The following ICMT variants were observed in gnomAD, a reference collection of about 807,000 sequenced individuals.
ICMT encodes the protein protein-S-isoprenylcysteine O-methyltransferase.
Under a neutral mutation model 32.2 loss-of-function variants are expected in ICMT, and 10 were observed. That is an observed-to-expected ratio of 0.31 (90% CI 0.19 to 0.53). The LOEUF is 0.53. Among genes scored for constraint, ICMT ranks in the 20% least tolerant of loss-of-function variants. The pLI, the probability that ICMT is intolerant of heterozygous loss-of-function variation, is 0.96. For missense variants in ICMT, 265 were observed against 356.9 expected (o/e 0.74, Z 2.07); for synonymous variants, 183 against 158.2 (o/e 1.16, Z -1.18).
At chr1:6,235,172 C>T (rs1668800803) in intron 1 of ICMT, among the ~76,000 whole-genome samples, 198 bp from the exon 2 acceptor site, 1 of 152,208 alleles carries the variant, frequency 6.6e-6, no homozygotes, top group African/African-American at 2.4e-5. Flanking sequence ...AATTATTTAA[C>T]CTCTCTGAGC....
At chr1:6,230,746 G>A (rs1422032924) in intron 4 of ICMT, among the ~76,000 whole-genome samples, 4 of 151,716 alleles carry the variant, frequency 2.6e-5, no homozygotes, top group Admixed American at 6.6e-5. Context: ...ACAATTAGCC[G>A]GGTGTGGTGG....
chr1:6,227,382 G>A (rs553642421), intron 4 of ICMT, among the ~76,000 whole-genome samples: 1 of 152,322 alleles, frequency 6.6e-6, no homozygotes, highest in South Asian at 2.1e-4. Flanking sequence ...CACCTATACC[G>A]TTAGGGGTCA....
intron 1 of ICMT, 125 bp from the exon 2 acceptor site, chr1:6,235,099 G>A: frequency 1.4e-6 from 1 of 706,012 alleles, no homozygotes; most frequent in Non-Finnish European, 2.4e-6. Flanking sequence ...AGGTTGAAAG[G>A]GAGAAGTGGG....
chr1:6,234,774 C>A, intron 2 of ICMT, 112 bp downstream of exon 2: 1 of 831,050 alleles, frequency 1.2e-6, no homozygotes, highest in Non-Finnish European at 2.0e-6. Flanking sequence ...CCAGAGAACC[C>A]TGAACAGCCT....
At chr1:6,228,541 A>G (rs1303704342) in intron 4 of ICMT, among the ~76,000 whole-genome samples, 1 of 151,730 alleles carries the variant, frequency 6.6e-6, no homozygotes, top group African/African-American at 2.4e-5. Flanking sequence ...ATGAGGCTTC[A>G]CTGTGTTAGC....
chr1:6,234,734 C>A (rs1668790803), intron 2 of ICMT, 152 bp downstream of exon 2: 2 of 676,160 alleles, frequency 3.0e-6, no homozygotes, highest in Non-Finnish European at 5.3e-6. Context: ...GAAATGTGAG[C>A]AACTAGGGGG....
In ICMT at chr1:6,235,680, GCCCCGCCGGCCCCCGCCGGC is replaced by G. The variant is rs147526858; in HGVS notation, c.195+17_195+36del. 120 of 1,146,396 alleles carry G rather than the reference GCCCCGCCGGCCCCCGCCGGC, an allele frequency of 1.0e-4. 2 individuals carry two copies. The highest frequency in any genetic ancestry group is 7.2e-4 in the Middle Eastern group (2 of 2,772). 71.0% of individuals were successfully genotyped at this position (1,146,396 alleles called of 1,614,324 possible). On this transcript the variant is annotated intron_variant, in intron 1 of 4. Coordinates refer to ENST00000343813, the MANE Select transcript of ICMT (RefSeq NM_012405.4). ...CGCCGCGCCAAGCGGACCGCCGCCC[GCCCCGCCGGCCCCCGCCGGC>G]CCCCGCCGGCCTGCACCTGGTAGCG...
Position 6,223,847 on chromosome 1 carries a change from C to T in ICMT, c.*1233G>A, listed in dbSNP as rs1431261236. 6.6e-6 allele frequency: 1 copy of T among 152,256 alleles called. No homozygotes were observed. The highest frequency in any genetic ancestry group is 1.5e-5 in the Non-Finnish European group (1 of 68,064). The allele number at this position is 152,256 out of a possible 1,614,324, so 9.4% of individuals were successfully genotyped here. A position where few individuals can be genotyped will look rare whatever the true frequency, so the allele number is the denominator to read the frequency against. On this transcript the variant is annotated 3_prime_UTR_variant, in exon 5 of 5. Coordinates refer to ENST00000343813, the MANE Select transcript of ICMT (RefSeq NM_012405.4). Reference sequence around the variant, plus strand: ...CTTCTTCAGTGCCACCGCAACACTGCATGGCAGGATCTCACGCTGAGGCCA... The same window carrying T: ...CTTCTTCAGTGCCACCGCAACACTGTATGGCAGGATCTCACGCTGAGGCCA...
Position 6,235,699 on chromosome 1 carries a change from GC to G in ICMT, c.195+17del, listed in dbSNP as rs1668813785. 13 of 1,176,006 alleles carry G rather than the reference GC, an allele frequency of 1.1e-5. No homozygotes were observed. The highest frequency in any genetic ancestry group is 3.6e-5 in the South Asian group (1 of 27,942). The allele number at this position is 1,176,006 out of a possible 1,614,324, so 72.8% of individuals were successfully genotyped here. Reference sequence around the variant, plus strand: ...CCGCCCGCCCCGCCGGCCCCCGCCGGCCCCCGCCGGCCTGCACCTGGTAGCG... The same window carrying G: ...CCGCCCGCCCCGCCGGCCCCCGCCGGCCCCGCCGGCCTGCACCTGGTAGCG... On this transcript the variant is annotated intron_variant, in intron 1 of 4. Transcript: ENST00000343813.
chr1:6,224,950 T>G lies in ICMT; in HGVS notation c.*130A>C. 1 of 873,762 alleles carries G rather than the reference T, an allele frequency of 1.1e-6. No individual in the cohort carries two copies. Among genetic ancestry groups the G allele is most frequent in the Non-Finnish European group, 1.8e-6 (1 of 560,646 alleles). 54.1% of individuals were successfully genotyped at this position (873,762 alleles called of 1,614,324 possible). ...GGCCTTCTGACCGCTTGGTCTTGAG[T>G]GACATTCCAGAAGAGTGACTAATGA... On this transcript the variant is annotated 3_prime_UTR_variant, in exon 5 of 5. Coordinates refer to ENST00000343813, the MANE Select transcript of ICMT (RefSeq NM_012405.4).
chr1:6,235,804 G>T lies in ICMT; in HGVS notation c.108C>A (p.Ala36=). 7.6e-7 allele frequency: 1 copy of T among 1,323,062 alleles called. No homozygotes were observed. The highest frequency in any genetic ancestry group is 9.7e-7 in the Non-Finnish European group (1 of 1,027,344). 82.0% of individuals were successfully genotyped at this position (1,323,062 alleles called of 1,614,324 possible). The change falls in exon 1 of 5, where the codon GCC becomes GCA. Residue 36 remains alanine (A), a synonymous_variant. Coordinates refer to ENST00000343813, the MANE Select transcript of ICMT (RefSeq NM_012405.4). ...CCAGCCCGGTGCGGCCCTGCAGGCC[G>T]GCGCGCGTGAGCAGCGGCAGCGCGA... is the stretch of plus-strand genomic sequence containing the variant. ...SVLALPLLTR[A]GLQGRTGLAL... is the part of the protein sequence containing the mutation.
At chr1:6,225,406 C>T in intron 4 of ICMT, 144 bp from the exon 5 acceptor site, 1 of 729,064 alleles carries the variant, frequency 1.4e-6, no homozygotes, top group Non-Finnish European at 2.2e-6. Flanking sequence ...AGTACTGTCA[C>T]CTTAGCCCTG....
rs1668552099 is a variant in ICMT, at chr1:6,221,628, G to A, written c.*3452C>T. 1 of 152,696 alleles carries A rather than the reference G, an allele frequency of 6.5e-6. No individual in the cohort carries two copies. Among genetic ancestry groups the A allele is most frequent in the African/African-American group, 2.4e-5 (1 of 41,464 alleles). The allele number at this position is 152,696 out of a possible 1,614,324, so 9.5% of individuals were successfully genotyped here. A position where few individuals can be genotyped will look rare whatever the true frequency, so the allele number is the denominator to read the frequency against. Reference sequence around the variant, plus strand: ...TTACAAAGCCTGATCGGCTAACGCAGCTTCCTGGTTTAGGAACATTTTCCC... The same window carrying A: ...TTACAAAGCCTGATCGGCTAACGCAACTTCCTGGTTTAGGAACATTTTCCC... On this transcript the variant is annotated 3_prime_UTR_variant, in exon 5 of 5. Coordinates refer to ENST00000343813, the MANE Select transcript of ICMT (RefSeq NM_012405.4).
chr1:6,235,567 G>A (rs1668809870), intron 1 of ICMT, 150 bp downstream of exon 1: 1 of 403,734 alleles, frequency 2.5e-6, no homozygotes, highest in Non-Finnish European at 3.7e-6. Flanking sequence ...AGCCCGGAGA[G>A]AGAGGGTCCC....
At chr1:6,231,315 C>G (rs1668732838) in intron 4 of ICMT, among the ~76,000 whole-genome samples, 1 of 152,140 alleles carries the variant, frequency 6.6e-6, no homozygotes, top group Non-Finnish European at 1.5e-5. Flanking sequence ...GAAAACTAGC[C>G]AAGCTGCCAC....
intron 4 of ICMT, among the ~76,000 whole-genome samples, chr1:6,230,903 GAA>G (rs557858792): frequency 0.083 from 6,089 of 73,314 alleles, 189 homozygotes; most frequent in African/African-American, 0.14. Context: ...TCTCAAAAAG[GAA>G]AAAAAAAAAA....
chr1:6,235,885 C>A lies in ICMT; in HGVS notation c.27G>T (p.Pro9=). Residue 9 remains proline (P), a synonymous_variant, in exon 1 of 5, where the codon CCG becomes CCT. Coordinates refer to ENST00000343813, the MANE Select transcript of ICMT (RefSeq NM_012405.4). MAGCAARA[P]PGSEARLSLA... is the part of the protein sequence containing the mutation. ...GGCTGAGACGCGCCTCAGAGCCCGG[C>A]GGAGCCCGCGCCGCGCAGCCCGCCA... The A allele has an allele frequency of 1.8e-6, 2 of 1,135,700 alleles. No homozygotes were observed. Among genetic ancestry groups the A allele is most frequent in the Non-Finnish European group, 2.2e-6 (2 of 928,872 alleles). 70.4% of individuals were successfully genotyped at this position (1,135,700 alleles called of 1,614,324 possible).
At chr1:6,228,315 T>C (rs1486189637) in intron 4 of ICMT, among the ~76,000 whole-genome samples, 1 of 151,060 alleles carries the variant, frequency 6.6e-6, no homozygotes, top group South Asian at 2.1e-4. Flanking sequence ...GAGAGAAGGG[T>C]TCTCACTATG....
intron 1 of ICMT, 100 bp downstream of exon 1, chr1:6,235,617 G>A: frequency 1.3e-6 from 1 of 783,620 alleles, no homozygotes; most frequent in Admixed American, 5.2e-5. Context: ...GCGCGCGCGT[G>A]GGAGGCCACT....
Sources: allele counts gnomAD v4.1 joint callset (sites outside exome capture counted in the v4.1 genomes callset), GRCh38; gene constraint gnomAD v4.1.1; transcripts MANE v1.5; gene names NCBI Gene and HGNC (gene_info 2026-07-23, HGNC 2026-07-21).